The following ATP1A4 variants were observed in gnomAD, a reference collection of about 807,000 sequenced individuals.
ATP1A4 encodes the protein sodium/potassium-transporting ATPase subunit alpha-4.
ATP1A4 carries 90 observed loss-of-function variants against 114.3 expected under a neutral mutation model. The ratio of observed to expected loss-of-function variants is 0.79; its 90% CI spans 0.66 to 0.94. ATP1A4 has a LOEUF of 0.94. Among genes scored for constraint, ATP1A4 ranks in the 40% least tolerant of loss-of-function variants. ATP1A4 has a pLI of 0.00. For missense variants in ATP1A4, 1,222 were observed against 1,313.6 expected (o/e 0.93, Z 1.08); for synonymous variants, 511 against 494.1 (o/e 1.03, Z -0.45).
Position 160,159,045 on chromosome 1 carries a change from T to C in ATP1A4, c.569T>C (p.Val190Ala), listed in dbSNP as rs945825563. ...GGAGGAGAGAAGATGCAAATTAATG[T>C]ACAAGAGGTGGTGTTGGGAGACCTG... is the stretch of plus-strand genomic sequence containing the variant. ...IRGGEKMQIN[V>A]QEVVLGDLVE... Residue 190 changes from valine to alanine, a missense_variant, in exon 5 of 22, where the codon GTA becomes GCA. Transcript: ENST00000368081. 6.2e-7 allele frequency: 1 copy of C among 1,614,090 alleles called. No individual in the cohort carries two copies.
chr1:160,180,730 T>C (rs1653658376), intron 18 of ATP1A4, among the ~76,000 whole-genome samples: 2 of 71,418 alleles, frequency 2.8e-5, no homozygotes, highest in East Asian at 5.3e-4. Context: ...TTTTTTTTTT[T>C]TTGAGACGGA....
At position 160,166,517 on chromosome 1, in the gene ATP1A4, C is replaced by A. The variant is rs1356214460; in HGVS notation, c.1048-11C>A. 2 of 1,614,042 alleles carry A rather than the reference C, an allele frequency of 1.2e-6. No homozygotes were observed. The highest frequency in any genetic ancestry group is 1.3e-5 in the African/African-American group (1 of 74,944). Reference sequence around the variant, plus strand: ...TCCCATGTGTATTCTCTCCTCTCTTCTTGGCTTTAGGTGTGCCTGACCCTC... The same window carrying A: ...TCCCATGTGTATTCTCTCCTCTCTTATTGGCTTTAGGTGTGCCTGACCCTC... On this transcript the variant is annotated splice_polypyrimidine_tract_variant and intron_variant, in intron 7 of 21. Coordinates refer to ENST00000368081, the MANE Select transcript of ATP1A4 (RefSeq NM_144699.4).
At chr1:160,164,011 C>A in intron 6 of ATP1A4, 145 bp from the exon 7 acceptor site, 1 of 1,095,398 alleles carries the variant, frequency 9.1e-7, no homozygotes, top group Non-Finnish European at 1.3e-6. Flanking sequence ...GGTCAAAGAC[C>A]AAATATTAGA....
intron 3 of ATP1A4, among the ~76,000 whole-genome samples, chr1:160,155,472 A>G (rs1652615770): frequency 1.3e-5 from 2 of 152,140 alleles, no homozygotes; most frequent in African/African-American, 2.4e-5. Context: ...AATTAATTAT[A>G]AAATGTAATT....
At chr1:160,184,634 T>C (rs1048170349) in intron 20 of ATP1A4, among the ~76,000 whole-genome samples, 1 of 152,194 alleles carries the variant, frequency 6.6e-6, no homozygotes, top group Non-Finnish European at 1.5e-5. Flanking sequence ...TTTTGATATA[T>C]TGGGTTAAAT....
chr1:160,170,300 C>A (rs1653198970), intron 10 of ATP1A4: 1 of 152,236 alleles, frequency 6.6e-6, no homozygotes, highest in Non-Finnish European at 1.5e-5. Context: ...AGTGGCGGTG[C>A]CTGTAATCCC....
rs61734685 is a variant in ATP1A4 at position 160,182,015 on chromosome 1, C to A, written c.2953C>A (p.Arg985=). The change falls in exon 20 of 22, where the codon CGA becomes AGA. Residue 985 remains arginine, a synonymous_variant. Coordinates refer to ENST00000368081, the MANE Select transcript of ATP1A4 (RefSeq NM_144699.4). The part of the protein sequence containing the change: ...SYTPGMDVAL[R]MYPLKITWWL... Reference sequence around the variant, plus strand: ...CACTCCAGGCATGGACGTGGCCCTGCGAATGTACCCACTCAAGTGAGTAAG... The same window carrying A: ...CACTCCAGGCATGGACGTGGCCCTGAGAATGTACCCACTCAAGTGAGTAAG... 3.1e-6 allele frequency: 5 copies of A among 1,613,680 alleles called. No individual in the cohort carries two copies. The highest frequency in any genetic ancestry group is 1.3e-5 in the African/African-American group (1 of 74,858).
At chr1:160,162,342 A>G (rs1380784492) in intron 6 of ATP1A4, among the ~76,000 whole-genome samples, 1 of 152,206 alleles carries the variant, frequency 6.6e-6, no homozygotes, top group Non-Finnish European at 1.5e-5. Flanking sequence ...AGTGGCCTGC[A>G]TCATGTGTGT....
rs1391925834 is a variant in ATP1A4, at chr1:160,167,604, T to C, written c.1491+192T>C. Reference sequence around the variant, plus strand: ...AGGTAAAGAGAGGCGAAACAGGTGATAAAGGGAGAGGCATCAGTCAGTCCT... The same window carrying C: ...AGGTAAAGAGAGGCGAAACAGGTGACAAAGGGAGAGGCATCAGTCAGTCCT... On this transcript the variant is annotated intron_variant, in intron 10 of 21. Transcript: ENST00000368081. Among the ~76,000 whole-genome samples, 13 of 152,088 alleles carry C rather than the reference T, an allele frequency of 8.5e-5. 1 individual carries two copies. The highest frequency in any genetic ancestry group is 8.5e-4 in the Admixed American group (13 of 15,270).
At chr1:160,161,085 G>A (rs1652849622) in intron 6 of ATP1A4, among the ~76,000 whole-genome samples, 1 of 152,108 alleles carries the variant, frequency 6.6e-6, no homozygotes, top group African/African-American at 2.4e-5. Flanking sequence ...TTTTGTAGGA[G>A]GCTAAAAAAA....
chr1:160,161,064 A>G (rs1392183223), intron 6 of ATP1A4, among the ~76,000 whole-genome samples: 1 of 152,154 alleles, frequency 6.6e-6, no homozygotes, highest in Admixed American at 6.5e-5. Context: ...GTCTGTTTAG[A>G]TAGAAAATGG....
intron 5 of ATP1A4, 73 bp downstream of exon 5, chr1:160,159,209 G>C: frequency 6.5e-7 from 1 of 1,545,100 alleles, no homozygotes; most frequent in East Asian, 2.3e-5. Flanking sequence ...TGGGCCGTTA[G>C]AGAAAGTATA....
intron 10 of ATP1A4, chr1:160,170,207 C>T (rs1430380128): frequency 6.6e-6 from 1 of 152,040 alleles, no homozygotes; most frequent in African/African-American, 2.4e-5. Flanking sequence ...GGTAGATCAC[C>T]TGAGGTCAGG....
At chr1:160,181,141 T>C (rs116350475) in intron 18 of ATP1A4, among the ~76,000 whole-genome samples, 5,243 of 152,252 alleles carry the variant, frequency 0.034, 117 homozygotes, top group Non-Finnish European at 0.053. Context: ...TAAAGCTAAA[T>C]AAGGCAAGTG....
rs539242741 is a variant in ATP1A4, at chr1:160,151,823, A to T, written c.-218A>T. 1.6e-5 allele frequency: 8 copies of T among 494,704 alleles called. No individual in the cohort carries two copies. In the East Asian group the frequency reaches 2.4e-4, roughly 15 times the overall value. The allele number at this position is 494,704 out of a possible 1,614,324, so 30.6% of individuals were successfully genotyped here. ...CTTCCTCTTCCCAGCGGACGGCTGG[A>T]GGACCGCTCAGTCTCTCCTCTCTCA... On this transcript the variant is annotated 5_prime_UTR_variant, in exon 1 of 22. Coordinates refer to ENST00000368081, the MANE Select transcript of ATP1A4 (RefSeq NM_144699.4).
chr1:160,161,723 G>A (rs2101631003), intron 6 of ATP1A4, among the ~76,000 whole-genome samples: 1 of 152,290 alleles, frequency 6.6e-6, no homozygotes, highest in South Asian at 2.1e-4. Flanking sequence ...TTGGCAACCA[G>A]TTTGAAGCCC....
chr1:160,185,965 C>A (rs964217586), intron 20 of ATP1A4, among the ~76,000 whole-genome samples: 10 of 149,050 alleles, frequency 6.7e-5, no homozygotes, highest in African/African-American at 2.5e-4. Flanking sequence ...CGTGGTGGTG[C>A]ACACCTGTAA....
In ATP1A4 at chr1:160,174,737, G is replaced by A. The variant is rs150818281; in HGVS notation, c.2301G>A (p.Gly767=). Residue 767 remains glycine (G), a synonymous_variant, in exon 15 of 22, where the codon GGG becomes GGA. Transcript: ENST00000368081. The part of the protein sequence containing the change: ...LDDNFASIVT[G]VEEGRLIFDN... Reference sequence around the variant, plus strand: ...ACAACTTTGCCTCCATCGTCACGGGGGTGGAGGAGGGTGAGGAGGCAGGGT... The same window carrying A: ...ACAACTTTGCCTCCATCGTCACGGGAGTGGAGGAGGGTGAGGAGGCAGGGT... 3.1e-6 allele frequency: 5 copies of A among 1,614,094 alleles called. No homozygotes were observed. The South Asian group carries it at 3.3e-5, about 11-fold the overall frequency.
At chr1:160,156,480 T>C (rs1179524765) in intron 4 of ATP1A4, among the ~76,000 whole-genome samples, 4 of 127,872 alleles carry the variant, frequency 3.1e-5, no homozygotes, top group Admixed American at 2.5e-4. Context: ...CGGGGTGCGG[T>C]GGGGGGTGGC....
Sources: gnomAD v4.1 joint callset for allele counts (sites outside exome capture counted in the v4.1 genomes callset) on GRCh38, gnomAD v4.1.1 for gene constraint, MANE v1.5 for transcripts, NCBI Gene and HGNC (gene_info 2026-07-23, HGNC 2026-07-21) for gene names.